The following SPATA7 variants were observed in gnomAD, a reference collection of about 807,000 sequenced individuals.
SPATA7 encodes spermatogenesis associated 7.
In SPATA7, 43 loss-of-function variants were observed where a neutral mutation model predicts 51.8. That is an observed-to-expected ratio of 0.83 (90% CI 0.65 to 1.07). SPATA7 has a LOEUF of 1.07. Ranked by LOEUF, SPATA7 falls within the 50% of genes least tolerant of loss-of-function variation. The pLI is 0.00. For missense variants in SPATA7, 683 were observed against 701.3 expected (o/e 0.97, Z 0.30); for synonymous variants, 230 against 252.8 (o/e 0.91, Z 0.86).
intron 5 of SPATA7, among the ~76,000 whole-genome samples, chr14:88,418,588 C>T (rs1381330545): frequency 6.6e-6 from 1 of 152,176 alleles, no homozygotes; most frequent in Non-Finnish European, 1.5e-5. Context: ...AATTCTCGTG[C>T]CTCAGCCTCC....
intron 4 of SPATA7, chr14:88,466,890 C>G (rs1045033234): frequency 6.6e-6 from 1 of 152,084 alleles, no homozygotes; most frequent in Non-Finnish European, 1.5e-5. Flanking sequence ...TTCCTTCAAC[C>G]AAAAGGAAAA....
chr14:88,452,905 T>A (rs1341107127), intron 3 of SPATA7, among the ~76,000 whole-genome samples: 1 of 152,178 alleles, frequency 6.6e-6, no homozygotes, highest in Non-Finnish European at 1.5e-5. Flanking sequence ...CGCTTGTTCT[T>A]CACACATAGA....
At chr14:88,429,905 T>TTTATTTAC (rs1301210232) in intron 8 of SPATA7, among the ~76,000 whole-genome samples, 4 of 150,730 alleles carry the variant, frequency 2.7e-5, no homozygotes, top group Non-Finnish European at 5.9e-5. Context: ...TATTTATTTA[T>TTTATTTAC]TTATTTATTT....
intron 3 of SPATA7, among the ~76,000 whole-genome samples, chr14:88,444,702 T>C (rs1379848655): frequency 1.3e-5 from 2 of 152,208 alleles, no homozygotes; most frequent in Non-Finnish European, 2.9e-5. Flanking sequence ...TTTCTACATA[T>C]GGCTAGCCAG....
chr14:88,441,216 ACACAT>A (rs996816629), downstream of SPATA7, among the ~76,000 whole-genome samples: 5 of 152,094 alleles, frequency 3.3e-5, no homozygotes, highest in Admixed American at 3.3e-4. Context: ...ATATATATAC[ACACAT>A]CACATTTTCA....
chr14:88,423,640 T>G (rs993929391), intron 5 of SPATA7, among the ~76,000 whole-genome samples: 9 of 152,120 alleles, frequency 5.9e-5, no homozygotes, highest in Middle Eastern at 3.2e-3. Flanking sequence ...ATTTGAAACT[T>G]TTTTGCAAAC....
At position 88,396,158 on chromosome 14, in the gene SPATA7, G is replaced by A. The variant is rs1595182972; in HGVS notation, c.193G>A (p.Ala65Thr). 1.2e-6 allele frequency: 2 copies of A among 1,608,396 alleles called. No individual in the cohort carries two copies. Among genetic ancestry groups the A allele is most frequent in the African/African-American group, 1.3e-5 (1 of 74,734 alleles). ...AAACTATTACCTTTCTCTTTCAGCT[G>A]CAGTAGACTGCTCGGTTCCAGTAAG... The part of the protein sequence containing the change: ...HYNKILSAKA[A>T]VDCSVPVSVS... The change falls in exon 4 of 12, where the codon GCA becomes ACA. Residue 65 changes from alanine (A) to threonine (T), a missense_variant and splice_region_variant. Transcript: ENST00000393545.
At chr14:88,430,652 G>C (rs545541639) in intron 8 of SPATA7, among the ~76,000 whole-genome samples, 1 of 152,248 alleles carries the variant, frequency 6.6e-6, no homozygotes, top group Admixed American at 6.5e-5. Flanking sequence ...GTGCCGTAGT[G>C]TAGTTTTAAA....
At chr14:88,438,561 C>T (rs1339232474), downstream of SPATA7, 1 of 754,052 alleles carries the variant, frequency 1.3e-6, no homozygotes, top group East Asian at 2.7e-5. Flanking sequence ...CCTAATGTGC[C>T]ACACATTTAT....
chr14:88,464,678 C>T lies in SPATA7; in HGVS notation c.255-5169C>T, dbSNP rs143305292. Reference sequence around the variant, plus strand: ...CCAGAAGGTGGAGGTTTCAGTAAGCCGAGATCGTGCCACTGCACTCCAGCC... The same window carrying T: ...CCAGAAGGTGGAGGTTTCAGTAAGCTGAGATCGTGCCACTGCACTCCAGCC... On this transcript the variant is annotated intron_variant, in intron 4 of 4. Transcript: ENST00000556406. 1.7e-4 allele frequency among the ~76,000 whole-genome samples: 26 copies of T among 151,976 alleles called. No individual in the cohort carries two copies. In the East Asian group the frequency reaches 4.5e-3, roughly 26 times the overall value.
At chr14:88,467,950 A>G in intron 4 of SPATA7, 2 of 773,360 alleles carry the variant, frequency 2.6e-6, no homozygotes, top group South Asian at 1.6e-5. Context: ...TTCCCAGGTT[A>G]GAAACCCCTC....
intron 4 of SPATA7, 109 bp from the exon 5 acceptor site, chr14:88,416,602 A>G (rs2076484768): frequency 9.7e-7 from 1 of 1,031,174 alleles, no homozygotes; most frequent in South Asian, 1.5e-5. Flanking sequence ...TTTTATTTAC[A>G]TATCATAACA....
At chr14:88,389,102 CAAAA>C (rs202195670) in intron 1 of SPATA7, among the ~76,000 whole-genome samples, 1 of 151,070 alleles carries the variant, frequency 6.6e-6, no homozygotes, top group Non-Finnish European at 1.5e-5. Context: ...AAAACAAAAA[CAAAA>C]AAACAGGAAA....
At chr14:88,422,685 A>G (rs1021517340) in intron 5 of SPATA7, among the ~76,000 whole-genome samples, 3 of 150,650 alleles carry the variant, frequency 2.0e-5, no homozygotes, top group African/African-American at 4.9e-5. Flanking sequence ...AGCAACTATA[A>G]CCCTATATAA....
chr14:88,412,033 T>A (rs1185709152), intron 4 of SPATA7, among the ~76,000 whole-genome samples: 1 of 152,134 alleles, frequency 6.6e-6, no homozygotes, highest in Non-Finnish European at 1.5e-5. Context: ...CATCTACTAT[T>A]TTTTGACTTC....
intron 10 of SPATA7, 82 bp downstream of exon 10, chr14:88,433,294 A>G (rs544353546): frequency 9.8e-7 from 1 of 1,025,120 alleles, no homozygotes; most frequent in Non-Finnish European, 1.5e-6. Context: ...TTAAAATTTT[A>G]AAGTTATTTT....
chr14:88,417,110 A>G (rs1322615756), intron 5 of SPATA7, among the ~76,000 whole-genome samples: 1 of 152,144 alleles, frequency 6.6e-6, no homozygotes, highest in Non-Finnish European at 1.5e-5. Context: ...TTTGGCCTGA[A>G]GGTTATAGTT....
At chr14:88,465,899 CAG>C (rs1426847833) in intron 4 of SPATA7, 1 of 151,866 alleles carries the variant, frequency 6.6e-6, no homozygotes, top group Admixed American at 6.5e-5. Flanking sequence ...TAATATTAAA[CAG>C]TAATTTTGCC....
Position 88,469,543 on chromosome 14 carries a change from T to G in SPATA7, c.255-304T>G. On this transcript the variant is annotated intron_variant, in intron 4 of 4. Coordinates refer to the SPATA7 transcript ENST00000556406. This position sits in a 1 kb window ranked among gnomAD's most constrained non-coding sequence, Gnocchi z 4.3. ...TTCTGGACAGCCATGTTCAGGCCAG[T>G]CTGTGTATTGGAGGTGCCAGACGGT... 1 of 1,614,124 alleles carries G rather than the reference T, an allele frequency of 6.2e-7. No homozygotes were observed. The highest frequency in any genetic ancestry group is 1.1e-5 in the South Asian group (1 of 91,080).
Sources: allele counts gnomAD v4.1 joint callset (sites outside exome capture counted in the v4.1 genomes callset), GRCh38; gene constraint gnomAD v4.1.1; non-coding constraint Gnocchi (gnomAD v3.1); transcripts MANE v1.5; gene names NCBI Gene and HGNC (gene_info 2026-07-23, HGNC 2026-07-21).